Variants in KIF1B observed in about 807,000 individuals in gnomAD.
KIF1B encodes the protein kinesin-like protein KIF1B.
In KIF1B, 76 loss-of-function variants were observed where a neutral mutation model predicts 241.9. The observed-to-expected ratio is 0.31, with a 90% CI of 0.26 to 0.38. KIF1B has a LOEUF of 0.38. Among genes scored for constraint, KIF1B ranks in the 10% least tolerant of loss-of-function variants. The pLI is 1.00. For synonymous variants in KIF1B, 750 were observed against 796.7 expected (o/e 0.94, Z 0.99); for missense variants, 1,622 against 2,271.4 (o/e 0.71, Z 5.81).
chr1:10,215,159 T>TAC (rs1557640115), intron 1 of KIF1B, among the ~76,000 whole-genome samples: 1 of 70,310 alleles, frequency 1.4e-5, no homozygotes, highest in Non-Finnish European at 2.5e-5. Context: ...TATATATATA[T>TAC]ATATATATAT....
chr1:10,228,363 T>A (rs1055801251), intron 1 of KIF1B, among the ~76,000 whole-genome samples: 13 of 150,702 alleles, frequency 8.6e-5, no homozygotes, highest in South Asian at 2.1e-4. Context: ...ATGAAGTTTT[T>A]AAAAAAAAAA....
At chr1:10,304,037 T>C (rs895333590) in intron 22 of KIF1B, 1 of 1,611,464 alleles carries the variant, frequency 6.2e-7, no homozygotes, top group African/African-American at 1.3e-5. Flanking sequence ...CATAGGTTCA[T>C]CCCTCCTGAG....
At chr1:10,371,945 T>TA (rs1010944790) in intron 45 of KIF1B, among the ~76,000 whole-genome samples, 12 of 151,506 alleles carry the variant, frequency 7.9e-5, no homozygotes, top group Non-Finnish European at 1.0e-4. Flanking sequence ...CTAAAAAAAA[T>TA]AAAAAAAAGA....
chr1:10,303,959 A>G lies in KIF1B; in HGVS notation c.2115+6713A>G, dbSNP rs774839395. On this transcript the variant is annotated intron_variant, in intron 22 of 48. Coordinates refer to ENST00000676179, the MANE Select transcript of KIF1B (RefSeq NM_001365951.3). The surrounding 1 kb of genome is among the most constrained non-coding windows in gnomAD (Gnocchi z 5.2). ...GGACGTCTGCGCTGGATGAGGCAAG[A>G]GCAAATTCGGTTTAAGAACTTGCAA... 14 of 1,613,976 alleles carry G rather than the reference A, an allele frequency of 8.7e-6. No homozygotes were observed. The highest frequency in any genetic ancestry group is 5.3e-5 in the African/African-American group (4 of 74,892).
intron 17 of KIF1B, 93 bp from the exon 18 acceptor site, chr1:10,294,993 G>T: frequency 1.2e-6 from 1 of 834,366 alleles, no homozygotes. Flanking sequence ...TCTGTGGAGA[G>T]TTGGAGAAGC....
At chr1:10,342,204 T>G (rs1414219352) in intron 33 of KIF1B, 36 bp downstream of exon 33, 5 of 1,300,864 alleles carry the variant, frequency 3.8e-6, no homozygotes, top group Non-Finnish European at 5.6e-6. Flanking sequence ...TTGATGGTAT[T>G]GTTTTGATTT....
At chr1:10,336,598 T>C in intron 28 of KIF1B, 59 bp from the exon 29 acceptor site, 1 of 1,346,520 alleles carries the variant, frequency 7.4e-7, no homozygotes. Context: ...AAGAGCTTTT[T>C]CCCTCCCTCC....
chr1:10,375,150 T>G, intron 47 of KIF1B, 104 bp downstream of exon 47: 1 of 1,502,358 alleles, frequency 6.7e-7, no homozygotes, highest in Admixed American at 1.7e-5. Flanking sequence ...TCTCTCTGGT[T>G]TTGAACTTCC....
intron 2 of KIF1B, among the ~76,000 whole-genome samples, chr1:10,234,071 A>G (rs1166268224): frequency 6.6e-6 from 1 of 152,250 alleles, no homozygotes; most frequent in East Asian, 1.9e-4. Context: ...AATTTGTCCA[A>G]AACCTTTCTA....
chr1:10,317,613 C>T (rs1253837057), intron 22 of KIF1B, among the ~76,000 whole-genome samples: 2 of 151,274 alleles, frequency 1.3e-5, no homozygotes, highest in East Asian at 1.9e-4. Flanking sequence ...GGGCGGATCA[C>T]GAGGTAAGGA....
rs562610592 is a variant in KIF1B, at chr1:10,343,826, C to T, written c.3688+539C>T. 2.0e-4 allele frequency among the ~76,000 whole-genome samples: 31 copies of T among 152,150 alleles called. 1 individual carries two copies. The East Asian group carries it at 5.6e-3, about 27-fold the overall frequency. On this transcript the variant is annotated intron_variant, in intron 34 of 48. Transcript: ENST00000676179. ...CAAGAAGTAAGAAACAATAGGGGGCCTTATCTACAAACTCTCTGGTCTTCT... is the reference window on the plus strand; with the variant it reads ...CAAGAAGTAAGAAACAATAGGGGGCTTTATCTACAAACTCTCTGGTCTTCT...
intron 13 of KIF1B, 116 bp from the exon 14 acceptor site, chr1:10,278,980 TC>T: frequency 1.7e-6 from 1 of 600,250 alleles, no homozygotes; most frequent in East Asian, 2.8e-5. Flanking sequence ...GATACCGTAT[TC>T]TAAGTATTAA....
intron 1 of KIF1B, among the ~76,000 whole-genome samples, chr1:10,216,486 A>T (rs1436507743): frequency 6.6e-6 from 1 of 151,924 alleles, no homozygotes; most frequent in Non-Finnish European, 1.5e-5. Context: ...ATTCTTCAGG[A>T]CTTACTATGC....
intron 5 of KIF1B, among the ~76,000 whole-genome samples, chr1:10,264,417 A>G (rs1370378713): frequency 1.3e-5 from 2 of 152,216 alleles, no homozygotes; most frequent in Non-Finnish European, 2.9e-5. Flanking sequence ...ATCAGAGCAT[A>G]AGGAATGGAG....
chr1:10,305,214 A>G, intron 22 of KIF1B: 7 of 1,045,392 alleles, frequency 6.7e-6, no homozygotes, highest in Non-Finnish European at 8.1e-6. Context: ...CATATCTTGC[A>G]ATACATAGCT....
rs542295327 is a variant in KIF1B, at chr1:10,286,527, C to A, written c.1434+3994C>A. 3.3e-5 allele frequency among the ~76,000 whole-genome samples: 5 copies of A among 152,316 alleles called. No homozygotes were observed. The East Asian group carries it at 9.7e-4, about 29-fold the overall frequency. The stretch of plus-strand genomic sequence containing the variant: ...CAGCCCAAGGGCCACATTTGGAACC[C>A]ACTTAGGAAGCATGCTATGTTCAGT... On this transcript the variant is annotated intron_variant, in intron 15 of 48. Coordinates refer to ENST00000676179, the MANE Select transcript of KIF1B (RefSeq NM_001365951.3).
rs1246352808 is a variant in KIF1B at position 10,379,928 on chromosome 1, CGTT to C, written c.*3345_*3347del. On this transcript the variant is annotated 3_prime_UTR_variant, in exon 49 of 49. Transcript: ENST00000676179. ...GTGGCCGGGCACCTGAGCCCCAGCT[CGTT>C]GTTAAACGTGCTGACGGCAAGGGGC... The C allele has an allele frequency of 4.4e-6, 1 of 229,342 alleles. No individual in the cohort carries two copies. 14.2% of individuals were successfully genotyped at this position (229,342 alleles called of 1,614,324 possible).
At chr1:10,368,670 T>G (rs1391556333) in intron 44 of KIF1B, 132 bp downstream of exon 44, 1 of 760,606 alleles carries the variant, frequency 1.3e-6, no homozygotes, top group African/African-American at 1.7e-5. Context: ...ATTTGAAAAT[T>G]TATGACATAC....
intron 4 of KIF1B, among the ~76,000 whole-genome samples, chr1:10,259,405 C>T (rs915397157): frequency 1.8e-4 from 27 of 151,722 alleles, no homozygotes; most frequent in African/African-American, 4.1e-4. Context: ...GCCTTGTCCT[C>T]CCAGGCTCAA....
Sources: allele counts gnomAD v4.1 joint callset (sites outside exome capture counted in the v4.1 genomes callset), GRCh38; gene constraint gnomAD v4.1.1; non-coding constraint Gnocchi (gnomAD v3.1); transcripts MANE v1.5; gene names NCBI Gene and HGNC (gene_info 2026-07-23, HGNC 2026-07-21).